PKN2: variants seen among roughly 807,000 people sequenced by gnomAD.
PKN2 encodes the protein serine/threonine-protein kinase N2.
In PKN2, 38 loss-of-function variants were observed where a neutral mutation model predicts 119.1. That is an observed-to-expected ratio of 0.32 (90% confidence interval 0.25 to 0.42). The LOEUF (loss-of-function observed/expected upper bound fraction) is 0.42, where lower values mean the gene tolerates loss of function less well. Among genes scored for constraint, PKN2 ranks in the 10% least tolerant of loss-of-function variants. The probability of loss-of-function intolerance (pLI) is 1.00; values close to 1 mark genes in which losing one functional copy is unlikely to be tolerated. For synonymous variants in PKN2, 390 were observed against 384.9 expected (o/e 1.01, Z -0.15); for missense variants, 850 against 1,165.1 (o/e 0.73, Z 3.94).
Position 88,797,636 on chromosome 1 carries a change from C to CAA in PKN2, c.1282-6740_1282-6739dup, listed in dbSNP as rs1162541843. On this transcript the variant is annotated intron_variant, in intron 8 of 21. Coordinates refer to ENST00000370521, the MANE Select transcript of PKN2 (RefSeq NM_006256.4). ...CAGCCTGGCGACAGAGACTCCGTCT[C>CAA]AAAAAAAAAAAAAAAAGAGAGAGAA... is the stretch of plus-strand genomic sequence containing the variant. 2.1e-4 allele frequency among the ~76,000 whole-genome samples: 17 copies of CAA among 82,826 alleles called. 1 individual carries two copies. Among genetic ancestry groups the CAA allele is most frequent in the Admixed American group, 3.9e-4 (3 of 7,606 alleles). 54.3% of individuals were successfully genotyped at this position (82,826 alleles called of 152,430 possible). A position where few individuals can be genotyped will look rare whatever the true frequency, so the allele number is the denominator to read the frequency against.
chr1:88,810,285 T>C (rs1308000971), intron 15 of PKN2, among the ~76,000 whole-genome samples: 3 of 151,776 alleles, frequency 2.0e-5, no homozygotes, highest in Non-Finnish European at 4.4e-5. Flanking sequence ...CATGCCCTGC[T>C]AATTTTTTGT....
At chr1:88,822,137 C>T (rs1279330909) in intron 17 of PKN2, 134 bp downstream of exon 17, 12 of 784,186 alleles carry the variant, frequency 1.5e-5, no homozygotes, top group Non-Finnish European at 1.8e-5. Context: ...AGTCAAACCC[C>T]AATGTTGAAA....
intron 16 of PKN2, among the ~76,000 whole-genome samples, 162 bp from the exon 17 acceptor site, chr1:88,821,779 A>G (rs1672302849): frequency 6.6e-6 from 1 of 152,192 alleles, no homozygotes; most frequent in Non-Finnish European, 1.5e-5. Context: ...TCATTTTTAA[A>G]TTTTACCCCT....
intron 15 of PKN2, among the ~76,000 whole-genome samples, chr1:88,808,784 A>G (rs1196403967): frequency 6.6e-6 from 1 of 152,174 alleles, no homozygotes. Flanking sequence ...CCACTGTAGG[A>G]GGCATATGTT....
intron 1 of PKN2, among the ~76,000 whole-genome samples, chr1:88,706,800 A>G (rs1439253488): frequency 6.6e-6 from 1 of 152,118 alleles, no homozygotes; most frequent in African/African-American, 2.4e-5. Flanking sequence ...AGTTCAGAAT[A>G]TGTGCTGATT....
intron 1 of PKN2, among the ~76,000 whole-genome samples, chr1:88,711,309 G>GA (rs149982998): frequency 0.096 from 14,154 of 147,026 alleles, 896 homozygotes; most frequent in African/African-American, 0.19. Context: ...GAGAGAAGTG[G>GA]AAAAAAAAAA....
In PKN2 at chr1:88,820,221, TATATATATATATAA is replaced by T. The variant is rs1358742468; in HGVS notation, c.2280-1716_2280-1703del. Among the ~76,000 whole-genome samples, 269 of 53,132 alleles carry T rather than the reference TATATATATATATAA, an allele frequency of 5.1e-3. 3 individuals are homozygous for T. Among genetic ancestry groups the T allele is most frequent in the African/African-American group, 8.5e-3 (102 of 12,054 alleles). 34.9% of individuals were successfully genotyped at this position (53,132 alleles called of 152,430 possible). A position where few individuals can be genotyped will look rare whatever the true frequency, so the allele number is the denominator to read the frequency against. On this transcript the variant is annotated intron_variant, in intron 16 of 21. Transcript: ENST00000370521. ...ATATATATATATATATATATATATA[TATATATATATATAA>T]ATAGAAAAAAATAAAAATGCGAGGC...
At chr1:88,765,274 C>T (rs1669619266) in intron 3 of PKN2, among the ~76,000 whole-genome samples, 2 of 104,902 alleles carry the variant, frequency 1.9e-5, no homozygotes, top group African/African-American at 8.0e-5. Flanking sequence ...GTTTTTGAGA[C>T]TTCATCTCAA....
intron 6 of PKN2, among the ~76,000 whole-genome samples, chr1:88,778,373 G>T (rs989325084): frequency 6.6e-6 from 1 of 152,234 alleles, no homozygotes; most frequent in African/African-American, 2.4e-5. Flanking sequence ...GCTGGGCCCT[G>T]TGCTTGAGCA....
intron 16 of PKN2, among the ~76,000 whole-genome samples, chr1:88,816,282 C>A (rs1208639140): frequency 6.6e-6 from 1 of 151,962 alleles, no homozygotes; most frequent in Non-Finnish European, 1.5e-5. Flanking sequence ...AGTCTTGCTC[C>A]GTCTCCCAGG....
chr1:88,832,874 G>T (rs781161051), intron 20 of PKN2, 23 bp downstream of exon 20: 3 of 1,406,796 alleles, frequency 2.1e-6, no homozygotes, highest in Admixed American at 4.4e-5. Context: ...ATAAGGATAA[G>T]AATTTTTTAA....
At chr1:88,795,972 T>G (rs1047888705) in intron 8 of PKN2, among the ~76,000 whole-genome samples, 2 of 152,208 alleles carry the variant, frequency 1.3e-5, no homozygotes, top group Admixed American at 6.5e-5. Flanking sequence ...GTTAAATAAC[T>G]TGCTCACGGT....
At chr1:88,832,932 TA>T in intron 20 of PKN2, 81 bp downstream of exon 20, 1 of 1,205,498 alleles carries the variant, frequency 8.3e-7, no homozygotes, top group Non-Finnish European at 1.2e-6. Flanking sequence ...AGTAGAACTT[TA>T]AAAGCTGTTT....
intron 8 of PKN2, among the ~76,000 whole-genome samples, chr1:88,800,768 G>A (rs1429842553): frequency 2.0e-5 from 3 of 152,064 alleles, no homozygotes; most frequent in Non-Finnish European, 4.4e-5. Context: ...CCACACATAA[G>A]GCTGATGCAG....
At position 88,833,697 on chromosome 1, in the gene PKN2, A is replaced by G. The variant is rs1251908016; in HGVS notation, c.*249A>G. 9.9e-6 allele frequency: 4 copies of G among 402,684 alleles called. No individual in the cohort carries two copies. Among genetic ancestry groups the G allele is most frequent in the South Asian group, 5.0e-5 (1 of 20,016 alleles). 24.9% of individuals were successfully genotyped at this position (402,684 alleles called of 1,614,324 possible). ...AGTTTAAGTTGAGTGAACATCGGCCATGAAAATCCATCACGAATACTTTTG... is the reference window on the plus strand; with the variant it reads ...AGTTTAAGTTGAGTGAACATCGGCCGTGAAAATCCATCACGAATACTTTTG... On this transcript the variant is annotated 3_prime_UTR_variant, in exon 22 of 22. Transcript: ENST00000370521.
At chr1:88,772,352 C>T (rs1385497554) in intron 6 of PKN2, among the ~76,000 whole-genome samples, 1 of 152,104 alleles carries the variant, frequency 6.6e-6, no homozygotes, top group Non-Finnish European at 1.5e-5. Context: ...GAATAGTATT[C>T]CACTTGTGGG....
intron 15 of PKN2, among the ~76,000 whole-genome samples, chr1:88,811,130 C>A (rs1435924481): frequency 6.6e-6 from 1 of 152,148 alleles, no homozygotes; most frequent in South Asian, 2.1e-4. Context: ...CACTCTAAGT[C>A]CCATTTGCCC....
At chr1:88,761,304 C>CA (rs1163503597) in intron 3 of PKN2, among the ~76,000 whole-genome samples, 2 of 151,886 alleles carry the variant, frequency 1.3e-5, no homozygotes, top group Non-Finnish European at 1.5e-5. Flanking sequence ...ACTTTCAACT[C>CA]ATGTATTTTA....
intron 1 of PKN2, among the ~76,000 whole-genome samples, chr1:88,727,327 CAT>C (rs1237706520): frequency 6.6e-6 from 1 of 151,502 alleles, no homozygotes; most frequent in Non-Finnish European, 1.5e-5. Flanking sequence ...CTTTAGGTAA[CAT>C]ATGGGTTTTT....
Sources: allele counts gnomAD v4.1 joint callset (sites outside exome capture counted in the v4.1 genomes callset), GRCh38; gene constraint gnomAD v4.1.1; transcripts MANE v1.5; gene names NCBI Gene and HGNC (gene_info 2026-07-23, HGNC 2026-07-21).